KCNAB1: variants seen among roughly 807,000 people sequenced by gnomAD.
KCNAB1 encodes potassium voltage-gated channel subfamily A regulatory beta subunit 1, also known as voltage-gated potassium channel subunit beta-1.
Under a neutral mutation model 64.6 loss-of-function variants are expected in KCNAB1, and 35 were observed. That is an observed-to-expected ratio of 0.54 (90% confidence interval 0.41 to 0.72). The LOEUF is 0.72. Among genes scored for constraint, KCNAB1 ranks in the 30% least tolerant of loss-of-function variants. KCNAB1 has a pLI of 0.00. For missense variants in KCNAB1, 401 were observed against 512.9 expected (o/e 0.78, Z 2.11); for synonymous variants, 177 against 183.8 (o/e 0.96, Z 0.30).
chr3:156,417,927 T>C (rs1040690719), intron 1 of KCNAB1, among the ~76,000 whole-genome samples: 17 of 152,242 alleles, frequency 1.1e-4, no homozygotes, highest in South Asian at 2.1e-4. Flanking sequence ...TTACTGACGC[T>C]GTAGGATTTC....
intron 8 of KCNAB1, among the ~76,000 whole-genome samples, chr3:156,484,469 C>T (rs920800046): frequency 1.3e-5 from 2 of 152,092 alleles, no homozygotes; most frequent in Non-Finnish European, 2.9e-5. Context: ...GTTTATGACT[C>T]ATGTGCACTT....
chr3:156,410,203 A>G (rs570210774), intron 1 of KCNAB1, among the ~76,000 whole-genome samples: 8 of 152,260 alleles, frequency 5.3e-5, no homozygotes, highest in African/African-American at 1.9e-4. Flanking sequence ...TCCTTACTGC[A>G]TTTTTTATTT....
At chr3:156,509,446 G>A (rs1302649387) in intron 8 of KCNAB1, among the ~76,000 whole-genome samples, 1 of 152,170 alleles carries the variant, frequency 6.6e-6, no homozygotes, top group African/African-American at 2.4e-5. Context: ...GTGTAGACAA[G>A]CACGTTGGTT....
At chr3:156,395,565 A>G (rs1359612488) in intron 1 of KCNAB1, among the ~76,000 whole-genome samples, 4 of 127,836 alleles carry the variant, frequency 3.1e-5, no homozygotes, top group Admixed American at 2.9e-4. Flanking sequence ...AAAAAAAAAA[A>G]AAAAAAAAAA....
chr3:156,325,449 A>G (rs2108033490), intron 1 of KCNAB1, among the ~76,000 whole-genome samples: 1 of 152,298 alleles, frequency 6.6e-6, no homozygotes, highest in Admixed American at 6.5e-5. Flanking sequence ...AGACCTAGGA[A>G]GAGGAAGTGG....
At chr3:156,427,795 A>C (rs947162769) in intron 2 of KCNAB1, among the ~76,000 whole-genome samples, 19 of 152,182 alleles carry the variant, frequency 1.2e-4, no homozygotes, top group African/African-American at 4.3e-4. Context: ...TATGGGGTCT[A>C]GGCTGGGTTT....
chr3:156,155,880 T>A (rs1715683060), intron 1 of KCNAB1, among the ~76,000 whole-genome samples: 1 of 152,160 alleles, frequency 6.6e-6, no homozygotes, highest in African/African-American at 2.4e-5. Flanking sequence ...GTACCTAGGG[T>A]TGGGTCCAGG....
At chr3:156,493,360 T>C (rs183072499) in intron 8 of KCNAB1, among the ~76,000 whole-genome samples, 78 of 152,276 alleles carry the variant, frequency 5.1e-4, no homozygotes, top group Non-Finnish European at 1.1e-3. Context: ...TTTTTCTTTT[T>C]TTAAAAAATG....
intron 1 of KCNAB1, among the ~76,000 whole-genome samples, chr3:156,305,479 G>T (rs550726367): frequency 6.6e-6 from 1 of 152,246 alleles, no homozygotes; most frequent in East Asian, 1.9e-4. Context: ...TCCAGTGCAG[G>T]CTTAATTCTC....
chr3:156,406,407 A>T (rs1309678582), intron 1 of KCNAB1, among the ~76,000 whole-genome samples: 1 of 152,192 alleles, frequency 6.6e-6, no homozygotes, highest in African/African-American at 2.4e-5. Context: ...TTTGCAGACA[A>T]CACACAAAGA....
intron 1 of KCNAB1, among the ~76,000 whole-genome samples, chr3:156,241,647 T>G (rs533272279): frequency 1.3e-5 from 2 of 152,322 alleles, no homozygotes; most frequent in East Asian, 3.9e-4. Flanking sequence ...CGTGCTTCTG[T>G]GGTGCTGCTC....
intron 8 of KCNAB1, among the ~76,000 whole-genome samples, chr3:156,502,018 C>G (rs1347634111): frequency 6.6e-6 from 1 of 152,120 alleles, no homozygotes; most frequent in Non-Finnish European, 1.5e-5. Flanking sequence ...ATTCAATTAC[C>G]TCCCTCTGGG....
intron 1 of KCNAB1, among the ~76,000 whole-genome samples, chr3:156,371,684 A>G (rs917715733): frequency 2.6e-5 from 4 of 152,192 alleles, no homozygotes; most frequent in Non-Finnish European, 1.5e-5. Flanking sequence ...TACTGCAGTG[A>G]TCATCAATTT....
chr3:156,155,744 C>T (rs1358930576), intron 1 of KCNAB1, among the ~76,000 whole-genome samples: 2 of 152,260 alleles, frequency 1.3e-5, no homozygotes, highest in African/African-American at 4.8e-5. Flanking sequence ...TTCAGGAGGT[C>T]CTCAAGAATG....
chr3:156,355,908 G>A (rs1483612529), intron 1 of KCNAB1, among the ~76,000 whole-genome samples: 1 of 151,998 alleles, frequency 6.6e-6, no homozygotes, highest in Non-Finnish European at 1.5e-5. Context: ...CTTGAACCCA[G>A]GAGTTCAAGA....
At chr3:156,400,006 G>T (rs1384300308) in intron 1 of KCNAB1, among the ~76,000 whole-genome samples, 1 of 152,036 alleles carries the variant, frequency 6.6e-6, no homozygotes, top group Non-Finnish European at 1.5e-5. Context: ...CCATATAAGG[G>T]GGTCCTCTTT....
chr3:156,188,522 G>A (rs1288086945), intron 1 of KCNAB1, among the ~76,000 whole-genome samples: 1 of 152,048 alleles, frequency 6.6e-6, no homozygotes, highest in African/African-American at 2.4e-5. Context: ...AAATAAAAAT[G>A]CAAACAGTAC....
At chr3:156,161,612 CT>C (rs145120048) in intron 1 of KCNAB1, among the ~76,000 whole-genome samples, 2,643 of 152,192 alleles carry the variant, frequency 0.017, 48 homozygotes, top group South Asian at 0.031. Flanking sequence ...TCCATATTTT[CT>C]TTTTGAATAT....
intron 1 of KCNAB1, chr3:156,176,789 C>T (rs1260402563): frequency 3.5e-6 from 3 of 868,084 alleles, no homozygotes; most frequent in Admixed American, 1.7e-5. Context: ...AAGCTCCTGG[C>T]GTCGCCTGCT....
Sources: gnomAD v4.1 joint callset for allele counts (sites outside exome capture counted in the v4.1 genomes callset) on GRCh38, gnomAD v4.1.1 for gene constraint, MANE v1.5 for transcripts, NCBI Gene and HGNC (gene_info 2026-07-23, HGNC 2026-07-21) for gene names.